The following TRMT10B variants were observed in gnomAD, a reference collection of about 807,000 sequenced individuals.
TRMT10B encodes the protein tRNA methyltransferase 10 homolog B.
A neutral mutation model predicts 43.8 loss-of-function variants in TRMT10B; 33 were observed. That is an observed-to-expected ratio of 0.75 (90% CI 0.57 to 1.01). The LOEUF (loss-of-function observed/expected upper bound fraction) is 1.01. Among genes scored for constraint, TRMT10B ranks in the 50% least tolerant of loss-of-function variants. The pLI is 0.00. For missense variants in TRMT10B, 362 were observed against 369.8 expected, an observed-to-expected ratio of 0.98 and a Z score of 0.17; for synonymous variants, 137 against 130.6, an observed-to-expected ratio of 1.05 and a Z score of -0.34.
At chr9:37,753,950 G>A (rs945795112) in intron 1 of TRMT10B, 98 bp downstream of exon 1, 1 of 152,380 alleles carries the variant, frequency 6.6e-6, no homozygotes, top group Non-Finnish European at 1.5e-5. Context: ...TGAGAAAGCA[G>A]CGTTTAGCAG....
chr9:37,762,915 C>T (rs905433795), intron 3 of TRMT10B, among the ~76,000 whole-genome samples: 7 of 144,762 alleles, frequency 4.8e-5, no homozygotes, highest in Admixed American at 2.1e-4. Context: ...GGTGGATTTG[C>T]GAGGTCAGGA....
chr9:37,775,427 T>C (rs1828032675), intron 7 of TRMT10B, among the ~76,000 whole-genome samples: 1 of 152,214 alleles, frequency 6.6e-6, no homozygotes, highest in African/African-American at 2.4e-5. Context: ...AGGGACTTCA[T>C]GACTAAGGAA....
chr9:37,758,557 G>A (rs778426541), intron 1 of TRMT10B, among the ~76,000 whole-genome samples: 2 of 151,960 alleles, frequency 1.3e-5, no homozygotes, highest in African/African-American at 4.9e-5. Flanking sequence ...ATTAAAGGGA[G>A]AACAGAGATA....
chr9:37,767,945 G>T, intron 4 of TRMT10B, 131 bp from the exon 5 acceptor site: 1 of 854,490 alleles, frequency 1.2e-6, no homozygotes. Flanking sequence ...TATAATACAC[G>T]CACACATGTA....
At position 37,763,653 on chromosome 9, in the gene TRMT10B, G is replaced by A. The variant is rs576400937; in HGVS notation, c.320G>A (p.Arg107His). 1.3e-5 allele frequency: 21 copies of A among 1,613,894 alleles called. No individual in the cohort carries two copies. The highest frequency in any genetic ancestry group is 2.2e-5 in the South Asian group (2 of 91,058). The change falls in exon 4 of 9, where the codon CGT (arginine) becomes CAT (histidine). Residue 107 changes from arginine (R) to histidine (H), a missense_variant. Arg to His is a conservative substitution (Grantham distance 29, BLOSUM62 0). Transcript: ENST00000297994. ...GGCATTTGCCCCCAGCACAGCAAAC[G>A]TTTCCTGAGAGCTCTAACCAAAGAC... is the stretch of plus-strand genomic sequence containing the variant. ...NPGICPQHSK[R>H]FLRALTKDKL...
Position 37,777,644 on chromosome 9 carries a change from T to C in TRMT10B, c.888T>C (p.Pro296=), listed in dbSNP as rs745802900. 2 of 1,614,024 alleles carry C rather than the reference T, an allele frequency of 1.2e-6. No homozygotes were observed. Among genetic ancestry groups the C allele is most frequent in the Admixed American group, 3.3e-5 (2 of 60,012 alleles). Residue 296 remains proline (P), a synonymous_variant, in exon 9 of 9, where the codon CCT becomes CCC. Coordinates refer to ENST00000297994, the MANE Select transcript of TRMT10B (RefSeq NM_144964.4). ...CTTACTTAGAGACTCACAACTGGCC[T>C]GAAGCATTGAAGAAAGGAGTTTCTT... ...LSTYLETHNW[P]EALKKGVSSG... is the part of the protein sequence containing the mutation.
rs764906599 is a variant in TRMT10B at position 37,762,116 on chromosome 9, C to T, written c.185C>T (p.Ser62Leu). 2.4e-5 allele frequency: 38 copies of T among 1,611,552 alleles called. No individual in the cohort carries two copies. The highest frequency in any genetic ancestry group is 3.0e-5 in the Non-Finnish European group (35 of 1,178,516). The stretch of plus-strand genomic sequence containing the variant: ...GCCACAGGCAGTACGGCATGGTGCT[C>T]GGTGAGTGCGTGAATTGCCTGGCCA... The part of the protein sequence containing the change: ...ILATGSTAWC[S>L]KNVQRKQRHW... Residue 62 changes from serine (S) to leucine (L), a missense_variant and splice_region_variant, in exon 2 of 9, where the codon TCG becomes TTG. Ser to Leu is a moderately radical substitution (Grantham distance 145). Transcript: ENST00000297994.
intron 4 of TRMT10B, chr9:37,767,512 C>CAAAAAAAAAAAAAAAAAAAAAAA (rs1376563452): frequency 2.5e-4 from 15 of 60,840 alleles, no homozygotes; most frequent in South Asian, 5.9e-4. Context: ...GACCCTGTCT[C>CAAAAAAAAAAAAAAAAAAAAAAA]CAAAAAAAAA....
In TRMT10B at chr9:37,778,809, TC is replaced by T. The variant is rs1407075264; in HGVS notation, c.*1105del. 1 of 152,228 alleles carries T rather than the reference TC, an allele frequency of 6.6e-6. No homozygotes were observed. The highest frequency in any genetic ancestry group is 2.4e-5 in the African/African-American group (1 of 41,456). The allele number at this position is 152,228 out of a possible 1,614,324, so 9.4% of individuals were successfully genotyped here. A position where few individuals can be genotyped will look rare whatever the true frequency, so the allele number is the denominator to read the frequency against. Reference sequence around the variant, plus strand: ...CCCTCCTGTGGCTCTTACCTTGTTCTCCCTTGCAGAGTATGGGCATGGAGGG... The same window carrying T: ...CCCTCCTGTGGCTCTTACCTTGTTCTCCTTGCAGAGTATGGGCATGGAGGG... On this transcript the variant is annotated 3_prime_UTR_variant, in exon 9 of 9. Transcript: ENST00000297994.
rs771931141 is a variant in TRMT10B at position 37,777,607 on chromosome 9, A to G, written c.851A>G (p.Asp284Gly). Residue 284 changes from aspartate (D) to glycine (G), a missense_variant, in exon 9 of 9, where the codon GAT becomes GGT. Asp to Gly is a moderately conservative substitution (Grantham distance 94). Coordinates refer to ENST00000297994, the MANE Select transcript of TRMT10B (RefSeq NM_144964.4). ...SEILAINQVF[D>G]ILSTYLETHN... ...TCTGTTTACTCTCTAACAGTGTTTG[A>G]TATCCTGTCCACTTACTTAGAGACT... The G allele has an allele frequency of 6.2e-7, 1 of 1,612,738 alleles. No homozygotes were observed. The highest frequency in any genetic ancestry group is 8.5e-7 in the Non-Finnish European group (1 of 1,178,904).
chr9:37,777,494 T>C, intron 8 of TRMT10B, 107 bp from the exon 9 acceptor site: 1 of 893,556 alleles, frequency 1.1e-6, no homozygotes, highest in South Asian at 1.5e-5. Flanking sequence ...GTACCACATA[T>C]GGTGCAGAAT....
intron 7 of TRMT10B, among the ~76,000 whole-genome samples, chr9:37,775,662 T>A (rs1828058154): frequency 6.6e-6 from 1 of 152,038 alleles, no homozygotes; most frequent in Admixed American, 6.6e-5. Flanking sequence ...GCCTCCAGAG[T>A]AGCTGGGACT....
At chr9:37,768,742 G>A (rs1827239366) in intron 5 of TRMT10B, among the ~76,000 whole-genome samples, 1 of 152,210 alleles carries the variant, frequency 6.6e-6, no homozygotes, top group Non-Finnish European at 1.5e-5. Context: ...CTGAGCAGTT[G>A]TGACCTTCCC....
Position 37,777,789 on chromosome 9 carries a change from T to A in TRMT10B, c.*82T>A. 3.5e-6 allele frequency: 4 copies of A among 1,146,122 alleles called. No homozygotes were observed. The South Asian group carries it at 3.8e-5, about 11-fold the overall frequency. 71.0% of individuals were successfully genotyped at this position (1,146,122 alleles called of 1,614,324 possible). A position where few individuals can be genotyped will look rare whatever the true frequency, so the allele number is the denominator to read the frequency against. Reference sequence around the variant, plus strand: ...GGTAGACCGAAGTGGGCAGATCACCTGAGGTCAGGAGTTCACGACCAGCCT... The same window carrying A: ...GGTAGACCGAAGTGGGCAGATCACCAGAGGTCAGGAGTTCACGACCAGCCT... On this transcript the variant is annotated 3_prime_UTR_variant, in exon 9 of 9. Transcript: ENST00000297994.
At position 37,761,892 on chromosome 9, in the gene TRMT10B, C is replaced by G. The variant is rs777161994; in HGVS notation, c.-29-11C>G. The G allele has an allele frequency of 1.3e-6, 2 of 1,564,188 alleles. No individual in the cohort carries two copies. Among genetic ancestry groups the G allele is most frequent in the Middle Eastern group, 1.7e-4 (1 of 5,884 alleles). ...TAATGTAATAGCTCACATAATTGTG[C>G]CTTTTTCCAGTCTGGTGGAAAGGAC... On this transcript the variant is annotated splice_polypyrimidine_tract_variant and intron_variant, in intron 1 of 8. Coordinates refer to ENST00000297994, the MANE Select transcript of TRMT10B (RefSeq NM_144964.4).
chr9:37,770,818 C>G (rs952780146), intron 7 of TRMT10B, 79 bp downstream of exon 7: 13 of 1,449,190 alleles, frequency 9.0e-6, no homozygotes, highest in Admixed American at 6.0e-5. Context: ...GTTATAGTCT[C>G]CTCTAGAGGG....
upstream of TRMT10B, among the ~76,000 whole-genome samples, chr9:37,753,558 G>C (rs950980074): frequency 3.3e-5 from 5 of 152,290 alleles, no homozygotes; most frequent in African/African-American, 1.2e-4. Flanking sequence ...CAGAGCACCT[G>C]TAGGAGCCCT....
At chr9:37,770,861 C>T in intron 7 of TRMT10B, 122 bp downstream of exon 7, 2 of 993,770 alleles carry the variant, frequency 2.0e-6, no homozygotes, top group Non-Finnish European at 2.8e-6. Context: ...GAAGAAAGAG[C>T]CATCCCCACC....
At chr9:37,757,329 GC>G (rs1220381596) in intron 1 of TRMT10B, among the ~76,000 whole-genome samples, 1 of 152,132 alleles carries the variant, frequency 6.6e-6, no homozygotes, top group Non-Finnish European at 1.5e-5. Flanking sequence ...TCCCTCCTCA[GC>G]CTCCCAAAGT....
Sources: allele counts gnomAD v4.1 joint callset (sites outside exome capture counted in the v4.1 genomes callset), GRCh38; gene constraint gnomAD v4.1.1; transcripts MANE v1.5; gene names NCBI Gene and HGNC (gene_info 2026-07-23, HGNC 2026-07-21).